Variants in UGGT2 observed in about 807,000 individuals in gnomAD.
The protein encoded by UGGT2 is UDP-glucose:glycoprotein glucosyltransferase 2.
Under a neutral mutation model 192.1 loss-of-function variants are expected in UGGT2, and 180 were observed. The observed-to-expected ratio is 0.94, with a 90% CI of 0.83 to 1.06. UGGT2 has a LOEUF of 1.06. Ranked by LOEUF, UGGT2 falls within the 50% of genes least tolerant of loss-of-function variation. The probability of loss-of-function intolerance (pLI) is 0.00; values close to 1 mark genes in which losing one functional copy is unlikely to be tolerated. For missense variants in UGGT2, 1,849 were observed against 1,795.7 expected (o/e 1.03, Z -0.54); for synonymous variants, 580 against 591.0 (o/e 0.98, Z 0.27).
chr13:95,984,661 ATAATT>A (rs2051235739), intron 9 of UGGT2, among the ~76,000 whole-genome samples: 1 of 152,218 alleles, frequency 6.6e-6, no homozygotes, highest in Admixed American at 6.5e-5. Context: ...TAATTCACTT[ATAATT>A]TAAAGACAGC....
chr13:95,950,442 A>T (rs953141291), intron 12 of UGGT2, among the ~76,000 whole-genome samples: 11 of 152,082 alleles, frequency 7.2e-5, no homozygotes, highest in Non-Finnish European at 1.2e-4. Flanking sequence ...GCCTAAAAAC[A>T]AGCTTCAACA....
chr13:95,967,402 C>A (rs1021206558), intron 12 of UGGT2, among the ~76,000 whole-genome samples: 2 of 150,508 alleles, frequency 1.3e-5, no homozygotes. Context: ...TTGCCCACCA[C>A]GTGCTCCTCA....
chr13:95,843,159 G>T (rs1888039878), intron 36 of UGGT2, among the ~76,000 whole-genome samples: 1 of 152,130 alleles, frequency 6.6e-6, no homozygotes, highest in Non-Finnish European at 1.5e-5. Context: ...TAATCATATG[G>T]CAGGTTTAAG....
At chr13:95,941,568 TAAAGGA>T (rs1274042654) in intron 15 of UGGT2, among the ~76,000 whole-genome samples, 1 of 152,024 alleles carries the variant, frequency 6.6e-6, no homozygotes, top group African/African-American at 2.4e-5. Context: ...AAGCAAAAGA[TAAAGGA>T]AAAGTCATTC....
chr13:95,969,733 A>G (rs61972946), intron 12 of UGGT2, among the ~76,000 whole-genome samples: 4,671 of 152,308 alleles, frequency 0.031, 82 homozygotes, highest in Non-Finnish European at 0.04. Context: ...CACACACCAG[A>G]ACCTTTGGAG....
Position 95,999,313 on chromosome 13 carries a change from C to CA in UGGT2, c.661-7dup. 6.2e-7 allele frequency: 1 copy of CA among 1,612,322 alleles called. No homozygotes were observed. The highest frequency in any genetic ancestry group is 1.1e-5 in the South Asian group (1 of 90,970). ...ATTTTCCGTGAGCTTGGTTTCTGTT[C>CA]AAACACATTTATTTTATAAAAAGCG... On this transcript the variant is annotated splice_region_variant and splice_polypyrimidine_tract_variant and intron_variant, in intron 5 of 38. Transcript: ENST00000376747.
intron 12 of UGGT2, among the ~76,000 whole-genome samples, chr13:95,950,253 C>T (rs550581456): frequency 6.6e-5 from 10 of 152,186 alleles, no homozygotes; most frequent in African/African-American, 9.6e-5. Context: ...AACACCTCTA[C>T]AAAAGCCAGA....
intron 23 of UGGT2, 140 bp downstream of exon 23, chr13:95,895,040 A>T: frequency 1.2e-6 from 1 of 855,874 alleles, no homozygotes; most frequent in Non-Finnish European, 1.7e-6. Flanking sequence ...GATGCCTTTT[A>T]TTATTTGCTT....
At chr13:95,854,110 C>G (rs1889337542) in intron 35 of UGGT2, among the ~76,000 whole-genome samples, 1 of 152,122 alleles carries the variant, frequency 6.6e-6, no homozygotes, top group African/African-American at 2.4e-5. Flanking sequence ...GAGGTAATAA[C>G]AGTATCTCAA....
intron 20 of UGGT2, among the ~76,000 whole-genome samples, chr13:95,921,653 C>G (rs775079022): frequency 6.6e-6 from 1 of 152,072 alleles, no homozygotes; most frequent in South Asian, 2.1e-4. Context: ...AGAAGACATA[C>G]AAGCAGCCAA....
chr13:95,962,287 G>A (rs73560875), intron 12 of UGGT2, among the ~76,000 whole-genome samples: 3,009 of 152,070 alleles, frequency 0.02, 99 homozygotes, highest in African/African-American at 0.069. Context: ...AAAATGAAAA[G>A]TTTGTTTTTT....
intron 1 of UGGT2, among the ~76,000 whole-genome samples, chr13:96,041,158 CA>C (rs2053153505): frequency 6.6e-6 from 1 of 152,178 alleles, no homozygotes; most frequent in African/African-American, 2.4e-5. Flanking sequence ...GGAGATACCC[CA>C]AATACTCTGA....
At chr13:95,853,516 A>G (rs1297695521) in intron 36 of UGGT2, 27 bp downstream of exon 36, 2 of 1,596,740 alleles carry the variant, frequency 1.3e-6, no homozygotes, top group East Asian at 2.2e-5. Context: ...CACACACTCA[A>G]AATTATTCTG....
chr13:95,860,955 T>C (rs1301895038), intron 31 of UGGT2, 72 bp from the exon 32 acceptor site: 1 of 787,408 alleles, frequency 1.3e-6, no homozygotes, highest in Non-Finnish European at 1.9e-6. Flanking sequence ...ATAGTAAATA[T>C]AAGCAATCAA....
At chr13:95,899,072 A>C (rs2048029256) in intron 22 of UGGT2, among the ~76,000 whole-genome samples, 1 of 152,138 alleles carries the variant, frequency 6.6e-6, no homozygotes, top group Non-Finnish European at 1.5e-5. Flanking sequence ...TATCCTTATA[A>C]TAAAAGAGTT....
chr13:95,850,396 G>A (rs1482234176), intron 36 of UGGT2, among the ~76,000 whole-genome samples: 2 of 152,172 alleles, frequency 1.3e-5, no homozygotes, highest in African/African-American at 4.8e-5. Context: ...TATGGGAGTG[G>A]CATAAACTGT....
rs1889374880 is a variant in UGGT2, at chr13:95,854,414, T to C, written c.4070A>G (p.Tyr1357Cys). 1.9e-6 allele frequency: 3 copies of C among 1,613,662 alleles called. No individual in the cohort carries two copies. Among genetic ancestry groups the C allele is most frequent in the African/African-American group, 1.3e-5 (1 of 74,916 alleles). Residue 1357 changes from tyrosine (Y) to cysteine (C), a missense_variant, in exon 35 of 39, where the codon TAT becomes TGT. Tyr to Cys is a radical substitution (Grantham distance 194). Coordinates refer to ENST00000376747, the MANE Select transcript of UGGT2 (RefSeq NM_020121.4). The part of the protein sequence containing the change: ...DFDLDGAPYG[Y>C]TPFCDSRREM... ...CCTGCGGCTATCACAAAATGGAGTA[T>C]ACCCATAAGGAGCTCCATCCAGATC...
At chr13:95,953,485 A>C (rs1339538738) in intron 12 of UGGT2, among the ~76,000 whole-genome samples, 1 of 152,220 alleles carries the variant, frequency 6.6e-6, no homozygotes, top group Non-Finnish European at 1.5e-5. Context: ...AGAAGGGAGG[A>C]CCAAAATTGT....
chr13:96,005,406 A>C (rs1345195782), intron 5 of UGGT2, among the ~76,000 whole-genome samples: 2 of 152,188 alleles, frequency 1.3e-5, no homozygotes, highest in Non-Finnish European at 2.9e-5. Context: ...TGCACAGGGA[A>C]GACTGGGGAA....
Sources: gnomAD v4.1 joint callset for allele counts (sites outside exome capture counted in the v4.1 genomes callset) on GRCh38, gnomAD v4.1.1 for gene constraint, MANE v1.5 for transcripts, NCBI Gene and HGNC (gene_info 2026-07-23, HGNC 2026-07-21) for gene names.